Variants in RNF111 observed in about 807,000 individuals in gnomAD.
The protein encoded by RNF111 is ring finger protein 111.
Under a neutral mutation model 95.1 loss-of-function variants are expected in RNF111, and 17 were observed. The ratio of observed to expected loss-of-function variants is 0.18; its 90% CI spans 0.12 to 0.27. RNF111 has a LOEUF of 0.27. Ranked by LOEUF, RNF111 falls within the 10% of genes least tolerant of loss-of-function variation. RNF111 has a pLI of 1.00. For synonymous variants in RNF111, 440 were observed against 414.8 expected (o/e 1.06, Z -0.74); for missense variants, 1,189 against 1,210.4 (o/e 0.98, Z 0.26).
intron 7 of RNF111, among the ~76,000 whole-genome samples, chr15:59,079,313 AT>A (rs1241515509): frequency 6.6e-6 from 1 of 152,216 alleles, no homozygotes; most frequent in Non-Finnish European, 1.5e-5. Flanking sequence ...AACATAGTGG[AT>A]TCATTTTTTA....
chr15:59,001,523 G>A (rs2039323990), intron 1 of RNF111, among the ~76,000 whole-genome samples: 1 of 152,096 alleles, frequency 6.6e-6, no homozygotes, highest in Non-Finnish European at 1.5e-5. Flanking sequence ...TTTAAAAAAT[G>A]TGAACTTTTG....
chr15:59,002,537 C>G (rs1395825065), intron 1 of RNF111, among the ~76,000 whole-genome samples: 3 of 147,504 alleles, frequency 2.0e-5, no homozygotes, highest in Non-Finnish European at 4.5e-5. Flanking sequence ...TGAAAGCCCT[C>G]ATAACTGTGC....
intron 1 of RNF111, among the ~76,000 whole-genome samples, chr15:59,015,017 G>A (rs2040002139): frequency 6.6e-6 from 1 of 152,152 alleles, no homozygotes; most frequent in Non-Finnish European, 1.5e-5. Context: ...CGTAAGTGCT[G>A]GGATAATACG....
intron 1 of RNF111, among the ~76,000 whole-genome samples, chr15:59,024,435 G>A (rs1283361884): frequency 6.8e-6 from 1 of 146,272 alleles, no homozygotes; most frequent in African/African-American, 2.6e-5. Flanking sequence ...GACGCTTTGT[G>A]TAATAAATAG....
At chr15:59,061,401 G>A (rs1215955241) in intron 5 of RNF111, among the ~76,000 whole-genome samples, 2 of 152,090 alleles carry the variant, frequency 1.3e-5, no homozygotes, top group Non-Finnish European at 2.9e-5. Flanking sequence ...TAAATTTATG[G>A]TTTCGAATCC....
intron 1 of RNF111, among the ~76,000 whole-genome samples, chr15:59,019,105 A>G (rs1032219969): frequency 8.2e-6 from 1 of 121,286 alleles, no homozygotes; most frequent in Non-Finnish European, 1.7e-5. Context: ...GTATTTTTGT[A>G]TTTTTTTTTT....
chr15:59,049,768 G>C (rs577889977), intron 2 of RNF111: 1 of 93,564 alleles, frequency 1.1e-5, no homozygotes, highest in African/African-American at 4.4e-5. Context: ...TTTTTTTTGA[G>C]ATGGGGTCTC....
chr15:59,004,865 G>A (rs949483301), intron 1 of RNF111, among the ~76,000 whole-genome samples: 1 of 152,126 alleles, frequency 6.6e-6, no homozygotes, highest in Non-Finnish European at 1.5e-5. Flanking sequence ...AAAAATAAAT[G>A]GCTCTAAATA....
chr15:59,058,837 G>A (rs1308203931), intron 5 of RNF111, among the ~76,000 whole-genome samples: 1 of 152,134 alleles, frequency 6.6e-6, no homozygotes, highest in Non-Finnish European at 1.5e-5. Context: ...TAGATAAGTT[G>A]GACTTCATCA....
intron 1 of RNF111, among the ~76,000 whole-genome samples, chr15:58,995,939 T>G (rs1245500613): frequency 7.9e-5 from 12 of 152,084 alleles, no homozygotes; most frequent in African/African-American, 2.9e-4. Flanking sequence ...TATACAGGAA[T>G]AATCTTTTTT....
At chr15:59,021,535 T>C (rs1190880870) in intron 1 of RNF111, among the ~76,000 whole-genome samples, 1 of 152,190 alleles carries the variant, frequency 6.6e-6, no homozygotes, top group Non-Finnish European at 1.5e-5. Flanking sequence ...ATGTACCTGC[T>C]CCTTTAGGAA....
chr15:59,065,027 G>A (rs2042597634), intron 5 of RNF111, among the ~76,000 whole-genome samples: 1 of 151,924 alleles, frequency 6.6e-6, no homozygotes. Flanking sequence ...ATTCCTAATT[G>A]ATACATTGAC....
chr15:58,999,330 G>C (rs1433462956), intron 1 of RNF111, among the ~76,000 whole-genome samples: 1 of 152,094 alleles, frequency 6.6e-6, no homozygotes, highest in Non-Finnish European at 1.5e-5. Context: ...GATATAATGG[G>C]TTTGCAGTGG....
chr15:59,017,062 G>C (rs1240048487), intron 1 of RNF111, among the ~76,000 whole-genome samples: 1 of 151,910 alleles, frequency 6.6e-6, no homozygotes, highest in Non-Finnish European at 1.5e-5. Context: ...ACGGTGAATT[G>C]TATAATATTA....
intron 3 of RNF111, 60 bp downstream of exon 3, chr15:59,052,491 T>C: frequency 1.6e-6 from 2 of 1,240,016 alleles, no homozygotes; most frequent in Non-Finnish European, 2.1e-6. Flanking sequence ...TAAACATATT[T>C]GTGCTGCAGA....
At chr15:59,021,492 G>A (rs1567217677) in intron 1 of RNF111, among the ~76,000 whole-genome samples, 1 of 152,102 alleles carries the variant, frequency 6.6e-6, no homozygotes. Flanking sequence ...ATTTTTAGGT[G>A]TAAGAGAAAG....
intron 1 of RNF111, among the ~76,000 whole-genome samples, chr15:59,005,211 C>T (rs1385581231): frequency 2.6e-5 from 4 of 152,008 alleles, no homozygotes; most frequent in Non-Finnish European, 5.9e-5. Context: ...GTTTATTTGT[C>T]GAGACAGTCT....
chr15:59,074,583 G>T (rs1240360655), intron 6 of RNF111, among the ~76,000 whole-genome samples: 9 of 152,196 alleles, frequency 5.9e-5, no homozygotes, highest in African/African-American at 2.2e-4. Context: ...TAGAATTGAA[G>T]AGTTAGGGCC....
At chr15:58,996,419 CAA>C (rs537680130) in intron 1 of RNF111, among the ~76,000 whole-genome samples, 2 of 139,442 alleles carry the variant, frequency 1.4e-5, no homozygotes, top group Non-Finnish European at 1.6e-5. Context: ...CTGAAAAATG[CAA>C]AAAAAAAAAA....
Sources: gnomAD v4.1 joint callset for allele counts (sites outside exome capture counted in the v4.1 genomes callset) on GRCh38, gnomAD v4.1.1 for gene constraint, MANE v1.5 for transcripts, NCBI Gene and HGNC (gene_info 2026-07-23, HGNC 2026-07-21) for gene names.